The following ARSG variants were observed in gnomAD, a reference collection of about 807,000 sequenced individuals.
ARSG encodes the protein ASG.
Under a neutral mutation model 50.5 loss-of-function variants are expected in ARSG, and 37 were observed. That is an observed-to-expected ratio of 0.73 (90% confidence interval 0.56 to 0.96). The LOEUF (loss-of-function observed/expected upper bound fraction) is 0.96. ARSG is among the 50% of genes least tolerant of loss of function. The pLI is 0.00. For synonymous variants in ARSG, 225 were observed against 254.6 expected (o/e 0.88, Z 1.11); for missense variants, 629 against 675.3 (o/e 0.93, Z 0.76).
chr17:68,293,616 A>G (rs1477625834), intron 1 of ARSG, among the ~76,000 whole-genome samples: 3 of 152,150 alleles, frequency 2.0e-5, no homozygotes, highest in African/African-American at 7.2e-5. Context: ...AGTGCCATAC[A>G]TGTAATGCAA....
At chr17:68,329,381 G>A (rs1482385633) in intron 2 of ARSG, among the ~76,000 whole-genome samples, 2 of 152,160 alleles carry the variant, frequency 1.3e-5, no homozygotes, top group South Asian at 2.1e-4. Context: ...AGTGATATTT[G>A]TGCCCCTTTC....
At chr17:68,282,266 A>G (rs1263973833) in intron 1 of ARSG, among the ~76,000 whole-genome samples, 5 of 150,590 alleles carry the variant, frequency 3.3e-5, no homozygotes, top group African/African-American at 1.2e-4. Flanking sequence ...AAAAACAAAC[A>G]CCACACGTTC....
intron 8 of ARSG, among the ~76,000 whole-genome samples, chr17:68,376,483 G>T (rs1379209696): frequency 6.6e-6 from 1 of 151,798 alleles, no homozygotes; most frequent in Non-Finnish European, 1.5e-5. Flanking sequence ...TAGAGACGGG[G>T]TCTTGCTATG....
chr17:68,332,280 G>C (rs763742378), intron 2 of ARSG, among the ~76,000 whole-genome samples: 1 of 152,194 alleles, frequency 6.6e-6, no homozygotes, highest in Non-Finnish European at 1.5e-5. Context: ...GAGAAATATA[G>C]CTCTGTTCCG....
chr17:68,428,957 A>C, the ARSG span: 18 of 1,589,960 alleles, frequency 1.1e-5, no homozygotes, highest in Non-Finnish European at 1.6e-5. Context: ...AGGAAAACAT[A>C]AACCGTGATG....
At chr17:68,295,671 A>ATTTT (rs56840354) in intron 1 of ARSG, among the ~76,000 whole-genome samples, 1 of 114,546 alleles carries the variant, frequency 8.7e-6, no homozygotes. Flanking sequence ...TCTAAGACAA[A>ATTTT]TTTTTTTTTT....
the ARSG span, chr17:68,433,679 G>T: frequency 1.3e-6 from 1 of 796,258 alleles, no homozygotes; most frequent in Non-Finnish European, 2.0e-6. Flanking sequence ...ATCCTGAAGA[G>T]CCTAGGTAGA....
In ARSG at chr17:68,279,908, G is replaced by A. The variant is rs142198523; in HGVS notation, c.-552+20482G>A. 5.2e-3 allele frequency among the ~76,000 whole-genome samples: 788 copies of A among 152,194 alleles called. 6 individuals carry two copies. Among genetic ancestry groups the A allele is most frequent in the African/African-American group, 0.016 (681 of 41,518 alleles). On this transcript the variant is annotated intron_variant, in intron 1 of 11. Coordinates refer to the ARSG transcript ENST00000448504. ...GTTTAAGAATTCTTTATGGCTGGGC[G>A]CGGTGGCTCACACCTGTAATCCCAG...
intron 1 of ARSG, chr17:68,268,219 T>C (rs1186707236): frequency 2.6e-5 from 4 of 152,604 alleles, no homozygotes; most frequent in Admixed American, 2.6e-4. Flanking sequence ...TCAGATTTTA[T>C]TTCTTTTGAT....
chr17:68,320,238 C>A (rs1177957268), intron 2 of ARSG, among the ~76,000 whole-genome samples: 1 of 150,404 alleles, frequency 6.6e-6, no homozygotes, highest in Non-Finnish European at 1.5e-5. Context: ...TGCAGTGAGC[C>A]GAGATCGTGC....
At chr17:68,299,997 G>C (rs1393070768) in intron 1 of ARSG, among the ~76,000 whole-genome samples, 1 of 148,876 alleles carries the variant, frequency 6.7e-6, no homozygotes, top group South Asian at 2.1e-4. Context: ...GGAGTGCAGT[G>C]ACATGATCAC....
chr17:68,380,458 C>T (rs2080378944), intron 8 of ARSG, among the ~76,000 whole-genome samples: 1 of 151,978 alleles, frequency 6.6e-6, no homozygotes, highest in Admixed American at 6.6e-5. Flanking sequence ...AGTAGAGACA[C>T]GGGTCTCACT....
intron 2 of ARSG, among the ~76,000 whole-genome samples, chr17:68,328,473 A>G (rs1236067286): frequency 6.6e-6 from 1 of 152,086 alleles, no homozygotes; most frequent in African/African-American, 2.4e-5. Flanking sequence ...CCGTGCCTTT[A>G]ATTTTCTTAT....
chr17:68,391,698 G>A (rs559528308), intron 9 of ARSG, among the ~76,000 whole-genome samples: 1 of 152,300 alleles, frequency 6.6e-6, no homozygotes, highest in East Asian at 1.9e-4. Flanking sequence ...AGACTGCTTT[G>A]TGGTCCTCTT....
chr17:68,420,513 T>C lies in ARSG; in HGVS notation c.*50T>C, dbSNP rs767420894. The C allele has an allele frequency of 1.3e-6, 2 of 1,579,912 alleles. No homozygotes were observed. The highest frequency in any genetic ancestry group is 8.6e-7 in the Non-Finnish European group (1 of 1,157,626). On this transcript the variant is annotated 3_prime_UTR_variant, in exon 12 of 12. Transcript: ENST00000621439. ...AGGAGTACCTGGAAATTAGGCAAGT[T>C]TGCTTCCAAATTTCATTTTTACCCT...
chr17:68,305,447 A>T (rs1343193570), intron 1 of ARSG, among the ~76,000 whole-genome samples: 1 of 152,218 alleles, frequency 6.6e-6, no homozygotes, highest in African/African-American at 2.4e-5. Context: ...CTTGTTAGAA[A>T]TACAGATCCC....
In ARSG at chr17:68,351,591, T is replaced by G; in HGVS notation, c.471T>G (p.Phe157Leu). ...CTATTCCAGGTTTTGATTACTACTT[T>G]GGAATCCCATATAGCCATGATATGG... is the stretch of plus-strand genomic sequence containing the variant. ...HPNFRGFDYYFGIPYSHDMGC... is the reference protein window; with the variant it reads ...HPNFRGFDYYLGIPYSHDMGC... Residue 157 changes from phenylalanine to leucine, a missense_variant, in exon 5 of 12, where the codon TTT becomes TTG. Phe to Leu is a conservative substitution (Grantham distance 22, BLOSUM62 0). Transcript: ENST00000621439. 1.2e-6 allele frequency: 2 copies of G among 1,612,286 alleles called. No homozygotes were observed. The highest frequency in any genetic ancestry group is 1.7e-6 in the Non-Finnish European group (2 of 1,178,364).
At chr17:68,425,382 CTTTTTTTT>C (rs112331284), downstream of ARSG, among the ~76,000 whole-genome samples, 12 of 132,294 alleles carry the variant, frequency 9.1e-5, no homozygotes, top group African/African-American at 3.1e-4. Context: ...TTTTTCTTTT[CTTTTTTTT>C]TTTTTTTTTT....
chr17:68,417,663 T>C (rs2082458830), intron 11 of ARSG, among the ~76,000 whole-genome samples: 1 of 151,214 alleles, frequency 6.6e-6, no homozygotes, highest in Non-Finnish European at 1.5e-5. Context: ...CTTGTCTGTC[T>C]CTCTAATTTT....
Sources: gnomAD v4.1 joint callset for allele counts (sites outside exome capture counted in the v4.1 genomes callset) on GRCh38, gnomAD v4.1.1 for gene constraint, MANE v1.5 for transcripts, NCBI Gene and HGNC (gene_info 2026-07-23, HGNC 2026-07-21) for gene names.